The following VAV3 variants were observed in gnomAD, a reference collection of about 807,000 sequenced individuals.
The protein encoded by VAV3 is guanine nucleotide exchange factor VAV3.
VAV3 carries 94 observed loss-of-function variants against 131.2 expected under a neutral mutation model. That is an observed-to-expected ratio of 0.72 (90% CI 0.61 to 0.85). VAV3 has a LOEUF of 0.85. VAV3 is among the 40% of genes least tolerant of loss of function. The probability of loss-of-function intolerance (pLI) is 0.00; values close to 1 mark genes in which losing one functional copy is unlikely to be tolerated. For missense variants in VAV3, 939 were observed against 1,002.7 expected, an observed-to-expected ratio of 0.94 and a Z score of 0.86; for synonymous variants, 349 against 342.0, an observed-to-expected ratio of 1.02 and a Z score of -0.22.
At chr1:107,884,402 TTATTTATTATTATTA>T (rs1670929151) in intron 1 of VAV3, among the ~76,000 whole-genome samples, 1 of 113,596 alleles carries the variant, frequency 8.8e-6, no homozygotes, top group African/African-American at 3.5e-5. Context: ...TAAAAATAAA[TTATTTATTATTATTA>T]TTATTATTAT....
At chr1:107,947,086 C>A (rs6696531) in intron 1 of VAV3, among the ~76,000 whole-genome samples, 32,779 of 152,040 alleles carry the variant, frequency 0.22, 3,796 homozygotes, top group African/African-American at 0.31. Context: ...AACTCTAGAG[C>A]CTATAACCTT....
intron 1 of VAV3, among the ~76,000 whole-genome samples, chr1:107,909,921 A>G (rs183463454): frequency 1.7e-3 from 261 of 152,350 alleles, no homozygotes; most frequent in African/African-American, 6.1e-3. Context: ...AATCGGTTAC[A>G]GGTTATTTGA....
chr1:107,888,143 A>G (rs1671127821), intron 1 of VAV3, among the ~76,000 whole-genome samples: 1 of 152,204 alleles, frequency 6.6e-6, no homozygotes, highest in African/African-American at 2.4e-5. Flanking sequence ...ATAATAAAAT[A>G]CATCAGAGAA....
At chr1:107,893,755 T>G (rs902586689) in intron 1 of VAV3, among the ~76,000 whole-genome samples, 9 of 152,186 alleles carry the variant, frequency 5.9e-5, no homozygotes, top group African/African-American at 2.2e-4. Context: ...ACAGCCAAAC[T>G]ATATCAGTGT....
intron 1 of VAV3, among the ~76,000 whole-genome samples, chr1:107,898,656 A>G (rs1239700563): frequency 1.3e-5 from 2 of 152,220 alleles, no homozygotes; most frequent in East Asian, 3.8e-4. Context: ...ATTACACTTA[A>G]TGACACAGAT....
intron 2 of VAV3, among the ~76,000 whole-genome samples, chr1:107,780,110 T>C (rs1665610645): frequency 6.6e-6 from 1 of 152,202 alleles, no homozygotes; most frequent in Non-Finnish European, 1.5e-5. Context: ...TTACCATTTA[T>C]TGGCCAAGTA....
At chr1:107,670,792 G>A (rs1469405990) in intron 19 of VAV3, among the ~76,000 whole-genome samples, 2 of 152,150 alleles carry the variant, frequency 1.3e-5, no homozygotes, top group African/African-American at 4.8e-5. Flanking sequence ...TGAGTAAAGT[G>A]CCGACTCGAG....
chr1:107,934,386 A>G (rs1673606856), intron 1 of VAV3, among the ~76,000 whole-genome samples: 1 of 152,244 alleles, frequency 6.6e-6, no homozygotes, highest in Non-Finnish European at 1.5e-5. Flanking sequence ...AGCAGAAGAT[A>G]TATTTTGCCA....
chr1:107,605,773 T>C (rs892477574), intron 22 of VAV3, among the ~76,000 whole-genome samples: 1 of 152,230 alleles, frequency 6.6e-6, no homozygotes, highest in African/African-American at 2.4e-5. Context: ...AAATAAATTT[T>C]GTGTTTACAC....
chr1:107,588,133 C>T (rs574949323), intron 25 of VAV3, among the ~76,000 whole-genome samples: 3 of 152,180 alleles, frequency 2.0e-5, no homozygotes, highest in African/African-American at 4.8e-5. Context: ...AATAAAAATG[C>T]TTTAGAGTAG....
chr1:107,872,404 G>T (rs1435646006), intron 2 of VAV3, among the ~76,000 whole-genome samples: 1 of 152,156 alleles, frequency 6.6e-6, no homozygotes, highest in Non-Finnish European at 1.5e-5. Context: ...AAATGAGGCA[G>T]ACAGGAGAGC....
chr1:107,685,253 A>T (rs56218553), intron 18 of VAV3, among the ~76,000 whole-genome samples: 12,746 of 152,220 alleles, frequency 0.084, 1,077 homozygotes, highest in African/African-American at 0.22. Context: ...ATTCTAGAAT[A>T]ATACTCCCTA....
chr1:107,837,961 T>A (rs747975117), intron 2 of VAV3, among the ~76,000 whole-genome samples: 1 of 152,120 alleles, frequency 6.6e-6, no homozygotes, highest in African/African-American at 2.4e-5. Flanking sequence ...GAAATACTCT[T>A]CTCAACATGG....
At chr1:107,648,692 C>G (rs941261379) in intron 19 of VAV3, among the ~76,000 whole-genome samples, 6 of 151,974 alleles carry the variant, frequency 3.9e-5, no homozygotes, top group Non-Finnish European at 8.8e-5. Flanking sequence ...CCTTATTTGT[C>G]ACATTATAAA....
chr1:107,799,333 G>T (rs1472902564), intron 2 of VAV3, among the ~76,000 whole-genome samples: 1 of 148,418 alleles, frequency 6.7e-6, no homozygotes, highest in Non-Finnish European at 1.5e-5. Context: ...AAAGACACCA[G>T]GTTCTATCAC....
chr1:107,574,406 C>T (rs572396249), intron 25 of VAV3, among the ~76,000 whole-genome samples: 1 of 152,244 alleles, frequency 6.6e-6, no homozygotes, highest in South Asian at 2.1e-4. Context: ...GTTTAAAGAA[C>T]CATTGTCCTG....
intron 2 of VAV3, among the ~76,000 whole-genome samples, chr1:107,799,723 T>C (rs374931302): frequency 1.3e-5 from 2 of 152,324 alleles, no homozygotes; most frequent in East Asian, 3.9e-4. Context: ...CTTCCAGCCA[T>C]CTTGAAATGT....
chr1:107,684,690 A>G (rs185098019), intron 18 of VAV3, among the ~76,000 whole-genome samples: 156 of 152,330 alleles, frequency 1.0e-3, no homozygotes, highest in African/African-American at 3.6e-3. Context: ...CATTGAAGCT[A>G]TGTTGAGCAA....
At chr1:107,728,708 T>A (rs549674495) in intron 15 of VAV3, among the ~76,000 whole-genome samples, 1 of 151,858 alleles carries the variant, frequency 6.6e-6, no homozygotes, top group African/African-American at 2.4e-5. Flanking sequence ...TAACACACAC[T>A]ACTTATAAAC....
Sources: gnomAD v4.1 joint callset for allele counts (sites outside exome capture counted in the v4.1 genomes callset) on GRCh38, gnomAD v4.1.1 for gene constraint, MANE v1.5 for transcripts, NCBI Gene and HGNC (gene_info 2026-07-23, HGNC 2026-07-21) for gene names.